ADAMTS17: variants seen among roughly 807,000 people sequenced by gnomAD.
ADAMTS17 encodes A disintegrin and metalloproteinase with thrombospondin motifs 17.
A neutral mutation model predicts 141.5 loss-of-function variants in ADAMTS17; 113 were observed. The observed-to-expected ratio is 0.80, with a 90% CI of 0.69 to 0.93. The LOEUF (loss-of-function observed/expected upper bound fraction) is 0.93. Ranked by LOEUF, ADAMTS17 falls within the 40% of genes least tolerant of loss-of-function variation. The probability of loss-of-function intolerance (pLI) is 0.00; values close to 1 mark genes in which losing one functional copy is unlikely to be tolerated. For missense variants in ADAMTS17, 1,659 were observed against 1,517.9 expected (o/e 1.09, Z -1.54); for synonymous variants, 768 against 630.6 (o/e 1.22, Z -3.27).
At chr15:100,057,694 C>A (rs28427371) in intron 15 of ADAMTS17, among the ~76,000 whole-genome samples, 6,164 of 152,242 alleles carry the variant, frequency 0.04, 427 homozygotes, top group African/African-American at 0.14. Context: ...ACAGGCCCAT[C>A]ACCCAACCCC....
chr15:100,288,182 G>GAAAAC (rs1360282129), intron 3 of ADAMTS17, among the ~76,000 whole-genome samples: 3 of 152,084 alleles, frequency 2.0e-5, no homozygotes, highest in African/African-American at 4.8e-5. Context: ...CAAGTAAATG[G>GAAAAC]AAAACAAAAC....
intron 8 of ADAMTS17, among the ~76,000 whole-genome samples, chr15:100,165,241 T>C (rs539571143): frequency 6.6e-6 from 1 of 152,318 alleles, no homozygotes; most frequent in Non-Finnish European, 1.5e-5. Flanking sequence ...TGAGCTGGTC[T>C]CACCTTTCTC....
At chr15:100,117,092 G>C (rs2141150840) in intron 12 of ADAMTS17, 79 bp from the exon 13 acceptor site, 1 of 1,507,064 alleles carries the variant, frequency 6.6e-7, no homozygotes. Context: ...TCTCTTGCCA[G>C]GGGGAGGAGA....
At chr15:100,100,867 A>G (rs185481391) in intron 14 of ADAMTS17, among the ~76,000 whole-genome samples, 20 of 152,256 alleles carry the variant, frequency 1.3e-4, no homozygotes, top group Admixed American at 2.6e-4. Context: ...TCACCAACTC[A>G]GCCTGCCTTC....
At chr15:100,335,570 C>A (rs1382199435) in intron 2 of ADAMTS17, among the ~76,000 whole-genome samples, 1 of 152,214 alleles carries the variant, frequency 6.6e-6, no homozygotes, top group African/African-American at 2.4e-5. Flanking sequence ...GAGCATCCTG[C>A]ACGTGGCAGG....
At chr15:100,189,350 G>C (rs184863467) in intron 8 of ADAMTS17, among the ~76,000 whole-genome samples, 1 of 152,210 alleles carries the variant, frequency 6.6e-6, no homozygotes, top group Non-Finnish European at 1.5e-5. Context: ...TGAGTAAGCC[G>C]AGTGTGGACC....
At chr15:100,216,032 C>T (rs190708763) in intron 7 of ADAMTS17, among the ~76,000 whole-genome samples, 6 of 152,260 alleles carry the variant, frequency 3.9e-5, no homozygotes, top group Admixed American at 1.3e-4. Context: ...AGAGTCTGAG[C>T]GGGGTGAGAA....
Position 100,174,970 on chromosome 15 carries a change from G to A in ADAMTS17, c.1182-19650C>T, listed in dbSNP as rs141409073. Among the ~76,000 whole-genome samples the A allele has an allele frequency of 2.5e-3, 384 of 152,272 alleles. 24 individuals carry two copies. The East Asian group carries it at 0.068, about 27-fold the overall frequency. ...GTGTCAATAAAGGGTGGTACCAGCAGGTTCCATGCCTCCCAGAATATGCAG... is the reference window on the plus strand; with the variant it reads ...GTGTCAATAAAGGGTGGTACCAGCAAGTTCCATGCCTCCCAGAATATGCAG... On this transcript the variant is annotated intron_variant, in intron 8 of 21. Transcript: ENST00000268070.
chr15:99,988,510 T>C (rs1374934816), intron 20 of ADAMTS17, among the ~76,000 whole-genome samples: 4 of 152,202 alleles, frequency 2.6e-5, no homozygotes, highest in African/African-American at 7.2e-5. Flanking sequence ...TCTCAGGCAT[T>C]CCTTCACAGC....
chr15:100,275,629 C>T (rs898521388), intron 4 of ADAMTS17, among the ~76,000 whole-genome samples: 4 of 152,128 alleles, frequency 2.6e-5, no homozygotes, highest in Non-Finnish European at 5.9e-5. Flanking sequence ...AGGCTCTGCA[C>T]CCTGGCTGTG....
chr15:100,172,330 A>T (rs1232562233), intron 8 of ADAMTS17, among the ~76,000 whole-genome samples: 1 of 152,220 alleles, frequency 6.6e-6, no homozygotes, highest in African/African-American at 2.4e-5. Context: ...TGTTGGATGC[A>T]GTGAATTCTA....
intron 20 of ADAMTS17, among the ~76,000 whole-genome samples, chr15:99,983,983 C>A (rs1283707602): frequency 6.6e-6 from 1 of 152,148 alleles, no homozygotes; most frequent in Non-Finnish European, 1.5e-5. Flanking sequence ...AAACCTGAAA[C>A]AGCAGAGTGT....
chr15:100,189,246 G>C (rs1333221835), intron 8 of ADAMTS17, among the ~76,000 whole-genome samples: 3 of 152,242 alleles, frequency 2.0e-5, no homozygotes, highest in Non-Finnish European at 4.4e-5. Flanking sequence ...ACTAGGCATG[G>C]GATGTAGGAG....
At chr15:99,996,253 C>T (rs1430114868) in intron 19 of ADAMTS17, among the ~76,000 whole-genome samples, 1 of 151,994 alleles carries the variant, frequency 6.6e-6, no homozygotes, top group Non-Finnish European at 1.5e-5. Flanking sequence ...AGGATTTTAC[C>T]ACTGAGTGGA....
chr15:100,254,517 G>T (rs908003030), intron 6 of ADAMTS17, among the ~76,000 whole-genome samples: 4 of 152,148 alleles, frequency 2.6e-5, no homozygotes, highest in African/African-American at 7.2e-5. Context: ...GCATCCAACT[G>T]CAGTGGCCTC....
chr15:100,198,647 C>T (rs1345414100), intron 8 of ADAMTS17, among the ~76,000 whole-genome samples: 2 of 152,182 alleles, frequency 1.3e-5, no homozygotes, highest in African/African-American at 4.8e-5. Context: ...AAGAACAACC[C>T]TCAGGCCACA....
At chr15:100,218,679 T>C (rs2042041218) in intron 7 of ADAMTS17, among the ~76,000 whole-genome samples, 1 of 152,208 alleles carries the variant, frequency 6.6e-6, no homozygotes, top group Admixed American at 6.5e-5. Flanking sequence ...TGTCTCAAAA[T>C]ATTCAACCTA....
chr15:100,144,266 C>T (rs1596548381), intron 10 of ADAMTS17, among the ~76,000 whole-genome samples: 1 of 152,130 alleles, frequency 6.6e-6, no homozygotes, highest in South Asian at 2.1e-4. Context: ...ATCTGTGATT[C>T]CGTGGCTGGG....
chr15:100,247,686 C>A (rs1444250436), intron 7 of ADAMTS17, among the ~76,000 whole-genome samples: 1 of 152,144 alleles, frequency 6.6e-6, no homozygotes, highest in Non-Finnish European at 1.5e-5. Context: ...GCTTCTCTTC[C>A]TCTTTGACAC....
Sources: gnomAD v4.1 joint callset for allele counts (sites outside exome capture counted in the v4.1 genomes callset) on GRCh38, gnomAD v4.1.1 for gene constraint, MANE v1.5 for transcripts, NCBI Gene and HGNC (gene_info 2026-07-23, HGNC 2026-07-21) for gene names.